CLPTM1: variants seen among roughly 807,000 people sequenced by gnomAD.
CLPTM1 encodes CLPTM1 regulator of GABA type A receptor forward trafficking.
A neutral mutation model predicts 77.3 loss-of-function variants in CLPTM1; 21 were observed. The ratio of observed to expected loss-of-function variants is 0.27; its 90% CI spans 0.19 to 0.39. The LOEUF (loss-of-function observed/expected upper bound fraction) is 0.39, where lower values mean the gene tolerates loss of function less well. Ranked by LOEUF, CLPTM1 falls within the 10% of genes least tolerant of loss-of-function variation. The pLI is 1.00. For synonymous variants in CLPTM1, 373 were observed against 381.0 expected (o/e 0.98, Z 0.24); for missense variants, 642 against 921.2 (o/e 0.70, Z 3.92).
At position 44,991,010 on chromosome 19, in the gene CLPTM1, C is replaced by A; in HGVS notation, c.1419+65C>A. 1 of 1,390,070 alleles carries A rather than the reference C, an allele frequency of 7.2e-7. No individual in the cohort carries two copies. The highest frequency in any genetic ancestry group is 1.0e-6 in the Non-Finnish European group (1 of 986,384). The allele number at this position is 1,390,070 out of a possible 1,614,324, so 86.1% of individuals were successfully genotyped here. A position where few individuals can be genotyped will look rare whatever the true frequency, so the allele number is the denominator to read the frequency against. Reference sequence around the variant, plus strand: ...AGGTACCACGTATCCCTGAGGCACCCGGGGCCGGCCATCTGTCTGCCGGAC... The same window carrying A: ...AGGTACCACGTATCCCTGAGGCACCAGGGGCCGGCCATCTGTCTGCCGGAC... On this transcript the variant is annotated intron_variant, in intron 11 of 13. Transcript: ENST00000337392. The surrounding 1 kb of genome is among the most constrained non-coding windows in gnomAD (Gnocchi z 5.4).
rs1971047643 is a variant in CLPTM1, at chr19:44,990,240, C to G, written c.1133-155C>G. 1.4e-6 allele frequency: 1 copy of G among 714,842 alleles called. No individual in the cohort carries two copies. The highest frequency in any genetic ancestry group is 2.3e-6 in the Non-Finnish European group (1 of 426,530). The allele number at this position is 714,842 out of a possible 1,614,324, so 44.3% of individuals were successfully genotyped here. On this transcript the variant is annotated intron_variant, in intron 9 of 13. Transcript: ENST00000337392. The surrounding 1 kb of genome is among the most constrained non-coding windows in gnomAD (Gnocchi z 4.8). Reference sequence around the variant, plus strand: ...GGGGGTCACCCAATGAATATGAGAGCCTTCCTGGGAGAGAGGGGTCTCGTT... The same window carrying G: ...GGGGGTCACCCAATGAATATGAGAGGCTTCCTGGGAGAGAGGGGTCTCGTT...
At chr19:44,972,340 T>C (rs936130127) in intron 2 of CLPTM1, among the ~76,000 whole-genome samples, 5 of 151,668 alleles carry the variant, frequency 3.3e-5, no homozygotes, top group African/African-American at 7.3e-5. Flanking sequence ...CTCTGCCTCC[T>C]GGGTTCACAC....
intron 2 of CLPTM1, among the ~76,000 whole-genome samples, chr19:44,964,147 C>CA (rs1475974143): frequency 1.3e-5 from 2 of 150,378 alleles, no homozygotes; most frequent in African/African-American, 4.9e-5. Flanking sequence ...GACCTTATCG[C>CA]AAAAAAAAGT....
In CLPTM1 at chr19:44,987,282, C is replaced by T. The variant is rs576754517; in HGVS notation, c.897C>T (p.Ala299=). 2.2e-4 allele frequency: 359 copies of T among 1,614,272 alleles called. 8 individuals are homozygous for T. In the South Asian group the frequency reaches 3.1e-3, roughly 14 times the overall value. The change falls in exon 8 of 14, where the codon GCC becomes GCT. Residue 299 remains alanine (A), a synonymous_variant. Transcript: ENST00000337392. ...ACTACCCCATCAACGAGAGCCTGGC[C>T]AGCCTGCCGCTCCGCGTCTCCTTCT... ...KDYYPINESL[A]SLPLRVSFCP... is the part of the protein sequence containing the mutation.
chr19:44,955,312 A>T, upstream of CLPTM1: 1 of 1,410,926 alleles, frequency 7.1e-7, no homozygotes, highest in Non-Finnish European at 9.2e-7. Flanking sequence ...CGGGGCTAGG[A>T]AAGCGTGAAA....
At chr19:44,977,585 G>T in intron 5 of CLPTM1, 125 bp downstream of exon 5, 1 of 772,674 alleles carries the variant, frequency 1.3e-6, no homozygotes. Flanking sequence ...GCTCAAAGAG[G>T]GTGGGATTGG....
At chr19:44,957,790 T>C (rs568986121) in intron 1 of CLPTM1, among the ~76,000 whole-genome samples, 6 of 152,338 alleles carry the variant, frequency 3.9e-5, no homozygotes, top group African/African-American at 1.4e-4. Flanking sequence ...AGCCAGGAAC[T>C]CGGACACAGA....
At chr19:44,974,225 T>C (rs966428745) in intron 3 of CLPTM1, among the ~76,000 whole-genome samples, 14 of 152,200 alleles carry the variant, frequency 9.2e-5, no homozygotes, top group Admixed American at 5.9e-4. Context: ...CCAAGTGTTC[T>C]TTGTTCGTTG....
At chr19:44,985,744 G>C (rs576843222) in intron 6 of CLPTM1, among the ~76,000 whole-genome samples, 47 of 152,240 alleles carry the variant, frequency 3.1e-4, no homozygotes, top group African/African-American at 1.1e-3. Flanking sequence ...TGGGGAGCCG[G>C]GCAGTTAATC....
In CLPTM1 at chr19:44,990,470, C is replaced by T; in HGVS notation, c.1208C>T (p.Ser403Leu). 3 of 1,614,130 alleles carry T rather than the reference C, an allele frequency of 1.9e-6. No homozygotes were observed. Among genetic ancestry groups the T allele is most frequent in the Non-Finnish European group, 2.5e-6 (3 of 1,179,994 alleles). Residue 403 changes from serine (S) to leucine (L), a missense_variant, in exon 10 of 14, where the codon TCA becomes TTA. Coordinates refer to ENST00000337392, the MANE Select transcript of CLPTM1 (RefSeq NM_001294.4). This position sits in a 1 kb window ranked among gnomAD's most constrained non-coding sequence, Gnocchi z 4.8. ...VRSVFFGVFQ[S>L]FVVLLYILDN... Reference sequence around the variant, plus strand: ...TCCGTCTTCTTCGGCGTTTTCCAGTCATTCGTGGTCCTCCTCTACATCCTG... The same window carrying T: ...TCCGTCTTCTTCGGCGTTTTCCAGTTATTCGTGGTCCTCCTCTACATCCTG...
intron 2 of CLPTM1, among the ~76,000 whole-genome samples, chr19:44,970,129 A>G (rs1466829579): frequency 1.4e-5 from 2 of 147,888 alleles, no homozygotes; most frequent in Non-Finnish European, 3.0e-5. Context: ...ATTTTCCTAC[A>G]GAGAGGATTG....
chr19:44,983,845 C>T (rs1600040056), intron 5 of CLPTM1, among the ~76,000 whole-genome samples: 4 of 152,014 alleles, frequency 2.6e-5, no homozygotes, highest in African/African-American at 9.6e-5. Flanking sequence ...GCCTGTAATC[C>T]CAGCTACTTG....
chr19:44,984,513 C>T (rs993336133), intron 5 of CLPTM1: 2 of 152,270 alleles, frequency 1.3e-5, no homozygotes, highest in Admixed American at 1.3e-4. Context: ...AAGATTGTGT[C>T]AGGGCATGGG....
At chr19:44,970,309 TC>T (rs1446497746) in intron 2 of CLPTM1, among the ~76,000 whole-genome samples, 1 of 146,916 alleles carries the variant, frequency 6.8e-6, no homozygotes, top group East Asian at 1.9e-4. Flanking sequence ...TCCTTCCTTC[TC>T]AGGGGTGGAG....
chr19:44,976,342 G>A (rs1409654231), intron 4 of CLPTM1, among the ~76,000 whole-genome samples: 2 of 152,210 alleles, frequency 1.3e-5, no homozygotes, highest in Non-Finnish European at 2.9e-5. Context: ...CAGGAGAGCT[G>A]GGCACAGTGG....
chr19:44,979,152 G>T (rs1268504698), intron 5 of CLPTM1, among the ~76,000 whole-genome samples: 1 of 152,028 alleles, frequency 6.6e-6, no homozygotes, highest in Non-Finnish European at 1.5e-5. Context: ...GCTAGTTTTT[G>T]TATTTTTAGT....
intron 9 of CLPTM1, among the ~76,000 whole-genome samples, 185 bp downstream of exon 9, chr19:44,988,358 ACC>A (rs1971016573): frequency 6.6e-6 from 1 of 151,692 alleles, no homozygotes; most frequent in Non-Finnish European, 1.5e-5. Context: ...AGAAATTCCC[ACC>A]CACCGGGTGT....
chr19:44,967,801 A>C (rs1421603180), intron 2 of CLPTM1, among the ~76,000 whole-genome samples: 1 of 152,152 alleles, frequency 6.6e-6, no homozygotes, highest in Non-Finnish European at 1.5e-5. Context: ...CCACTCTGTT[A>C]AGTTGCAAAA....
chr19:44,981,288 T>C (rs1295440651), intron 5 of CLPTM1, among the ~76,000 whole-genome samples: 3 of 151,896 alleles, frequency 2.0e-5, no homozygotes, highest in Non-Finnish European at 4.4e-5. Context: ...ATTACAGTCA[T>C]GTGTCACCAC....
Sources: allele counts gnomAD v4.1 joint callset (sites outside exome capture counted in the v4.1 genomes callset), GRCh38; gene constraint gnomAD v4.1.1; non-coding constraint Gnocchi (gnomAD v3.1); transcripts MANE v1.5; gene names NCBI Gene and HGNC (gene_info 2026-07-23, HGNC 2026-07-21).